Variants in LRGUK observed in about 807,000 individuals in gnomAD.
The protein encoded by LRGUK is leucine-rich repeat and guanylate kinase domain-containing protein.
Under a neutral mutation model 76.0 loss-of-function variants are expected in LRGUK, and 65 were observed. The ratio of observed to expected loss-of-function variants is 0.85; its 90% CI spans 0.70 to 1.05. The LOEUF is 1.05. Among genes scored for constraint, LRGUK ranks in the 50% least tolerant of loss-of-function variants. The probability of loss-of-function intolerance (pLI) is 0.00; values close to 1 mark genes in which losing one functional copy is unlikely to be tolerated. For synonymous variants in LRGUK, 268 were observed against 265.6 expected, an observed-to-expected ratio of 1.01 and a Z score of -0.09; for missense variants, 758 against 732.8, an observed-to-expected ratio of 1.03 and a Z score of -0.40.
intron 11 of LRGUK, among the ~76,000 whole-genome samples, 194 bp downstream of exon 11, chr7:134,184,047 C>G (rs1352036990): frequency 2.0e-5 from 3 of 152,096 alleles, no homozygotes; most frequent in African/African-American, 7.2e-5. Context: ...ATTGAATGTT[C>G]AATAGATATT....
chr7:134,166,656 C>T (rs1798999866), intron 7 of LRGUK, among the ~76,000 whole-genome samples: 1 of 152,216 alleles, frequency 6.6e-6, no homozygotes, highest in African/African-American at 2.4e-5. Flanking sequence ...CCCATCTCTC[C>T]ATTCTTTGCA....
chr7:134,186,711 G>A (rs1037226870), intron 11 of LRGUK, among the ~76,000 whole-genome samples: 34 of 152,268 alleles, frequency 2.2e-4, no homozygotes, highest in African/African-American at 6.7e-4. Context: ...GGGTAGAGCA[G>A]GAACAAGACT....
At chr7:134,129,633 T>C (rs1450866276) in intron 1 of LRGUK, among the ~76,000 whole-genome samples, 1 of 150,942 alleles carries the variant, frequency 6.6e-6, no homozygotes, top group African/African-American at 2.4e-5. Context: ...CCAAAGCACC[T>C]GGCTAGTTCT....
intron 18 of LRGUK, among the ~76,000 whole-genome samples, chr7:134,257,344 A>T (rs1193015968): frequency 6.6e-6 from 1 of 152,200 alleles, no homozygotes; most frequent in Admixed American, 6.5e-5. Flanking sequence ...AACAAGGTTC[A>T]GCTGCTTGCC....
intron 15 of LRGUK, among the ~76,000 whole-genome samples, chr7:134,202,657 C>T (rs1800822746): frequency 6.6e-6 from 1 of 152,112 alleles, no homozygotes; most frequent in Non-Finnish European, 1.5e-5. Flanking sequence ...ATAGATGAAC[C>T]TTGAAGACAT....
chr7:134,156,076 C>T (rs1269520752), intron 5 of LRGUK, among the ~76,000 whole-genome samples: 1 of 152,160 alleles, frequency 6.6e-6, no homozygotes, highest in Non-Finnish European at 1.5e-5. Context: ...TGAACTCTCT[C>T]AGTAGTATAA....
At chr7:134,139,828 ATTTCT>A (rs544445139) in intron 3 of LRGUK, among the ~76,000 whole-genome samples, 118 of 151,942 alleles carry the variant, frequency 7.8e-4, no homozygotes, top group African/African-American at 2.7e-3. Context: ...ATATTTAATG[ATTTCT>A]TTTCTTTTCC....
At chr7:134,243,582 C>G (rs1177832112) in intron 16 of LRGUK, among the ~76,000 whole-genome samples, 1 of 152,126 alleles carries the variant, frequency 6.6e-6, no homozygotes, top group Non-Finnish European at 1.5e-5. Flanking sequence ...ACATTCCATG[C>G]TCATGGATAG....
chr7:134,136,935 T>C, intron 1 of LRGUK, 88 bp from the exon 2 acceptor site: 11 of 1,139,728 alleles, frequency 9.7e-6, no homozygotes, highest in Non-Finnish European at 1.4e-5. Flanking sequence ...GTATAAAATA[T>C]ACTAAATAAG....
At chr7:134,161,056 A>C (rs965575574) in intron 6 of LRGUK, among the ~76,000 whole-genome samples, 1 of 152,166 alleles carries the variant, frequency 6.6e-6, no homozygotes, top group Non-Finnish European at 1.5e-5. Context: ...TTCTCATGTC[A>C]TCTACCACTT....
At chr7:134,237,262 C>A (rs1045644395) in intron 16 of LRGUK, among the ~76,000 whole-genome samples, 1 of 151,950 alleles carries the variant, frequency 6.6e-6, no homozygotes, top group Non-Finnish European at 1.5e-5. Flanking sequence ...ACCATATTGG[C>A]CAAGCTGGTC....
intron 16 of LRGUK, among the ~76,000 whole-genome samples, chr7:134,230,980 A>G (rs1237576411): frequency 1.3e-5 from 2 of 152,116 alleles, no homozygotes; most frequent in Non-Finnish European, 2.9e-5. Context: ...CTGGAATGCT[A>G]TTTGTTCTGT....
At chr7:134,263,623 CTTTTTTTTT>C (rs59840547) in intron 19 of LRGUK, among the ~76,000 whole-genome samples, 11 of 114,006 alleles carry the variant, frequency 9.6e-5, no homozygotes, top group South Asian at 2.8e-4. Context: ...TCATTTCTTT[CTTTTTTTTT>C]TTTTTTTTTT....
intron 12 of LRGUK, among the ~76,000 whole-genome samples, chr7:134,193,324 A>G (rs1800338802): frequency 6.6e-6 from 1 of 152,204 alleles, no homozygotes; most frequent in African/African-American, 2.4e-5. Context: ...TTCTCTTAGG[A>G]CTTTTTAAGT....
intron 11 of LRGUK, among the ~76,000 whole-genome samples, chr7:134,187,488 G>A (rs1288006014): frequency 1.3e-5 from 2 of 152,068 alleles, no homozygotes; most frequent in African/African-American, 4.8e-5. Flanking sequence ...CACATGCTAA[G>A]TTGCATATCC....
At chr7:134,224,199 A>G (rs1275943201) in intron 16 of LRGUK, among the ~76,000 whole-genome samples, 1 of 152,188 alleles carries the variant, frequency 6.6e-6, no homozygotes, top group Non-Finnish European at 1.5e-5. Context: ...CCAGAGTGCA[A>G]ACCTTCAGAC....
At chr7:134,159,415 G>C (rs1198298565) in intron 6 of LRGUK, among the ~76,000 whole-genome samples, 1 of 151,444 alleles carries the variant, frequency 6.6e-6, no homozygotes, top group East Asian at 1.9e-4. Context: ...TACTATTTCT[G>C]TCTTATTTAA....
intron 19 of LRGUK, among the ~76,000 whole-genome samples, chr7:134,261,470 T>C (rs1235267309): frequency 1.3e-5 from 2 of 152,204 alleles, no homozygotes; most frequent in Non-Finnish European, 2.9e-5. Flanking sequence ...TTTTGAAATC[T>C]ATAAAACCAA....
At chr7:134,199,157 C>A in intron 13 of LRGUK, 63 bp from the exon 14 acceptor site, 2 of 1,370,542 alleles carry the variant, frequency 1.5e-6, no homozygotes, top group Non-Finnish European at 2.1e-6. Flanking sequence ...TGTCAGATGG[C>A]TCCAAAATGA....
Sources: gnomAD v4.1 joint callset for allele counts (sites outside exome capture counted in the v4.1 genomes callset) on GRCh38, gnomAD v4.1.1 for gene constraint, MANE v1.5 for transcripts, NCBI Gene and HGNC (gene_info 2026-07-23, HGNC 2026-07-21) for gene names.